The following NAALADL2 variants were observed in gnomAD, a reference collection of about 807,000 sequenced individuals.
NAALADL2 encodes the protein inactive N-acetylated-alpha-linked acidic dipeptidase-like protein 2.
A neutral mutation model predicts 87.2 loss-of-function variants in NAALADL2; 76 were observed. That is an observed-to-expected ratio of 0.87 (90% CI 0.72 to 1.05). The LOEUF is 1.05. Among genes scored for constraint, NAALADL2 ranks in the 50% least tolerant of loss-of-function variants. The pLI is 0.00. For missense variants in NAALADL2, 1,089 were observed against 945.8 expected (o/e 1.15, Z -1.99); for synonymous variants, 354 against 331.0 (o/e 1.07, Z -0.75).
At chr3:175,188,004 T>C (rs1184473869) in intron 2 of NAALADL2, among the ~76,000 whole-genome samples, 1 of 152,232 alleles carries the variant, frequency 6.6e-6, no homozygotes, top group African/African-American at 2.4e-5. Context: ...TCTGAGTTCA[T>C]GAATATGCTG....
At chr3:175,387,972 C>G (rs1768605232) in intron 5 of NAALADL2, among the ~76,000 whole-genome samples, 1 of 152,022 alleles carries the variant, frequency 6.6e-6, no homozygotes, top group Admixed American at 6.6e-5. Flanking sequence ...CCCTGTTTAA[C>G]CTTCCTAAAT....
At chr3:174,872,733 TACAC>T (rs140990241) in intron 1 of NAALADL2, among the ~76,000 whole-genome samples, 242 of 148,526 alleles carry the variant, frequency 1.6e-3, no homozygotes, top group African/African-American at 5.6e-3. Flanking sequence ...CACACACACA[TACAC>T]ACACACACAC....
chr3:175,625,715 G>A (rs1225080238), intron 10 of NAALADL2, among the ~76,000 whole-genome samples: 1 of 151,954 alleles, frequency 6.6e-6, no homozygotes, highest in Non-Finnish European at 1.5e-5. Flanking sequence ...GTTTGAACCC[G>A]AGGTCTACCA....
intron 2 of NAALADL2, among the ~76,000 whole-genome samples, chr3:174,641,479 A>G (rs1578401716): frequency 1.3e-5 from 2 of 152,200 alleles, no homozygotes; most frequent in Admixed American, 1.3e-4. Context: ...CATGAAGTCC[A>G]AAGGAAACCA....
At chr3:175,565,461 G>T (rs1359441396) in intron 9 of NAALADL2, among the ~76,000 whole-genome samples, 1 of 152,102 alleles carries the variant, frequency 6.6e-6, no homozygotes, top group Non-Finnish European at 1.5e-5. Context: ...TCATGAAATG[G>T]ATGGTGTTTT....
chr3:174,900,714 A>T (rs948909105), intron 1 of NAALADL2, among the ~76,000 whole-genome samples: 4 of 152,070 alleles, frequency 2.6e-5, no homozygotes, highest in Admixed American at 6.6e-5. Context: ...AAAAATAACT[A>T]AATTTTAACA....
At chr3:175,307,017 A>G (rs1195512700) in intron 4 of NAALADL2, among the ~76,000 whole-genome samples, 1 of 152,154 alleles carries the variant, frequency 6.6e-6, no homozygotes, top group Non-Finnish European at 1.5e-5. Context: ...AAATGCAAAG[A>G]CAGGAAGATT....
At chr3:175,277,338 C>T (rs553919582) in intron 4 of NAALADL2, among the ~76,000 whole-genome samples, 33 of 152,220 alleles carry the variant, frequency 2.2e-4, no homozygotes, top group East Asian at 1.3e-3. Flanking sequence ...TTTTGACTAA[C>T]GTATCTGATA....
At chr3:175,062,773 C>T (rs1713778323) in intron 1 of NAALADL2, among the ~76,000 whole-genome samples, 1 of 151,904 alleles carries the variant, frequency 6.6e-6, no homozygotes, top group Non-Finnish European at 1.5e-5. Context: ...TTGTGTAAAC[C>T]CAAAGACATG....
chr3:175,005,604 G>A (rs746942065), intron 1 of NAALADL2, among the ~76,000 whole-genome samples: 8 of 152,086 alleles, frequency 5.3e-5, no homozygotes, highest in Non-Finnish European at 1.2e-4. Flanking sequence ...AGTATAAGGG[G>A]CATAGAAGAG....
intron 1 of NAALADL2, among the ~76,000 whole-genome samples, chr3:174,527,373 G>A (rs1007163625): frequency 1.3e-5 from 2 of 151,932 alleles, no homozygotes; most frequent in African/African-American, 4.8e-5. Flanking sequence ...ACAAAAATTA[G>A]CTAGGTGTGG....
At position 175,755,246 on chromosome 3, in the gene NAALADL2, TTA is replaced by T. The variant is rs760501161; in HGVS notation, c.2018_2019del (p.Leu673CysfsTer11). 2.5e-6 allele frequency: 4 copies of T among 1,613,250 alleles called. No homozygotes were observed. In the Admixed American group the frequency reaches 6.7e-5, roughly 27 times the overall value. On this transcript the variant is annotated frameshift_variant, in exon 13 of 14. Transcript: ENST00000454872. LOFTEE classifies it high-confidence loss of function. ...KGDQPNTHQL[L>X]AMALRLRESA... The stretch of plus-strand genomic sequence containing the variant: ...TGATCAACCCAACACTCATCAACTG[TTA>T]GCCATGGCGTTACGCCTGCGGGAGA...
At chr3:175,421,251 T>C (rs1463706182) in intron 5 of NAALADL2, among the ~76,000 whole-genome samples, 1 of 152,026 alleles carries the variant, frequency 6.6e-6, no homozygotes, top group East Asian at 1.9e-4. Flanking sequence ...TACCAACTTA[T>C]AGATGCTCTA....
At chr3:175,371,402 G>A (rs1163746584) in intron 5 of NAALADL2, among the ~76,000 whole-genome samples, 1 of 151,942 alleles carries the variant, frequency 6.6e-6, no homozygotes, top group Non-Finnish European at 1.5e-5. Context: ...TGAGTAGCTG[G>A]GATTACAGGC....
At chr3:175,776,689 T>C (rs1053209035) in intron 13 of NAALADL2, among the ~76,000 whole-genome samples, 5 of 152,146 alleles carry the variant, frequency 3.3e-5, no homozygotes, top group Non-Finnish European at 7.4e-5. Context: ...AGAAATTTTG[T>C]AGAAAGTCTG....
chr3:174,871,157 A>T (rs56282510), intron 1 of NAALADL2, among the ~76,000 whole-genome samples: 6,148 of 152,330 alleles, frequency 0.04, 188 homozygotes, highest in Non-Finnish European at 0.06. Flanking sequence ...TACAAAATAC[A>T]TGTTAAAGAG....
chr3:174,906,853 A>G (rs2108281754), intron 1 of NAALADL2, among the ~76,000 whole-genome samples: 1 of 152,252 alleles, frequency 6.6e-6, no homozygotes, highest in African/African-American at 2.4e-5. Flanking sequence ...ACAGAAACCA[A>G]GAGCTTCATT....
At chr3:175,320,039 A>T (rs751433601) in intron 4 of NAALADL2, among the ~76,000 whole-genome samples, 4 of 152,188 alleles carry the variant, frequency 2.6e-5, no homozygotes, top group Non-Finnish European at 4.4e-5. Context: ...TATGGTTGTT[A>T]ACTAAAGTCA....
intron 1 of NAALADL2, among the ~76,000 whole-genome samples, chr3:174,485,496 T>A (rs975222769): frequency 1.3e-5 from 2 of 151,722 alleles, no homozygotes; most frequent in Non-Finnish European, 2.9e-5. Flanking sequence ...TCCCTCTATG[T>A]GTTCATATGT....
Sources: allele counts gnomAD v4.1 joint callset (sites outside exome capture counted in the v4.1 genomes callset), GRCh38; gene constraint gnomAD v4.1.1; transcripts MANE v1.5; gene names NCBI Gene and HGNC (gene_info 2026-07-23, HGNC 2026-07-21).